DAOA: variants seen among roughly 807,000 people sequenced by gnomAD.
DAOA encodes the protein D-amino acid oxidase regulator.
Under a neutral mutation model 16.4 loss-of-function variants are expected in DAOA, and 15 were observed. That is an observed-to-expected ratio of 0.91 (90% CI 0.61 to 1.41). DAOA has a LOEUF of 1.41. Ranked by LOEUF, DAOA falls within the 40% of genes most tolerant of loss-of-function variation. The pLI is 0.00. For missense variants in DAOA, 230 were observed against 176.8 expected (o/e 1.30, Z -1.71); for synonymous variants, 75 against 59.1 (o/e 1.27, Z -1.23).
chr13:105,485,310 G>T (rs1301638897), intron 4 of DAOA, among the ~76,000 whole-genome samples: 1 of 151,980 alleles, frequency 6.6e-6, no homozygotes, highest in Non-Finnish European at 1.5e-5. Context: ...TCAAAAAAAT[G>T]AACCCATGCT....
chr13:105,477,592 T>C (rs992364635), intron 4 of DAOA, among the ~76,000 whole-genome samples: 1 of 152,068 alleles, frequency 6.6e-6, no homozygotes, highest in African/African-American at 2.4e-5. Context: ...GATATGTTGG[T>C]GCATGCCTGT....
chr13:105,481,204 G>A (rs1229447814), intron 4 of DAOA, among the ~76,000 whole-genome samples: 2 of 152,034 alleles, frequency 1.3e-5, no homozygotes, highest in Non-Finnish European at 2.9e-5. Flanking sequence ...ATAGTCCTGG[G>A]CACAATTTAT....
intron 3 of DAOA, 76 bp downstream of exon 3, chr13:105,467,217 A>G: frequency 1.4e-6 from 2 of 1,402,274 alleles, no homozygotes; most frequent in Non-Finnish European, 1.9e-6. Context: ...GCTACATAAT[A>G]CTTTTGACAT....
At position 105,473,989 on chromosome 13, in the gene DAOA, A is replaced by G. The variant is rs1445293441; in HGVS notation, c.281+1304A>G. Among the ~76,000 whole-genome samples, 5 of 152,144 alleles carry G rather than the reference A, an allele frequency of 3.3e-5. No homozygotes were observed. The South Asian group carries it at 8.3e-4, about 25-fold the overall frequency. ...TGTAGGTATGATTGTGTGAAGTTTCATGCTAGAAGCTTACCTGGCCAGAGA... is the reference window on the plus strand; with the variant it reads ...TGTAGGTATGATTGTGTGAAGTTTCGTGCTAGAAGCTTACCTGGCCAGAGA... On this transcript the variant is annotated intron_variant, in intron 4 of 5. Coordinates refer to ENST00000375936, the MANE Select transcript of DAOA (RefSeq NM_172370.5).
At chr13:105,475,481 G>A (rs1320220573) in intron 4 of DAOA, among the ~76,000 whole-genome samples, 1 of 151,922 alleles carries the variant, frequency 6.6e-6, no homozygotes, top group Non-Finnish European at 1.5e-5. Flanking sequence ...TGCTAAAATG[G>A]TTCTCTTGTC....
chr13:105,477,983 T>C (rs1877454926), intron 4 of DAOA, among the ~76,000 whole-genome samples: 1 of 152,204 alleles, frequency 6.6e-6, no homozygotes, highest in Non-Finnish European at 1.5e-5. Flanking sequence ...GAATCTATCA[T>C]TTAAAATATT....
intron 4 of DAOA, among the ~76,000 whole-genome samples, chr13:105,478,693 T>C (rs988651285): frequency 6.6e-6 from 1 of 152,206 alleles, no homozygotes; most frequent in Non-Finnish European, 1.5e-5. Flanking sequence ...GCATCTTGAC[T>C]CCAACTGTAT....
intron 3 of DAOA, among the ~76,000 whole-genome samples, chr13:105,468,775 C>T (rs79667804): frequency 0.037 from 5,576 of 152,262 alleles, 129 homozygotes; most frequent in East Asian, 0.065. Flanking sequence ...TAATGATGGC[C>T]ATGCCTTGGA....
intron 4 of DAOA, among the ~76,000 whole-genome samples, chr13:105,473,537 A>G (rs1877137393): frequency 6.6e-6 from 1 of 152,138 alleles, no homozygotes; most frequent in African/African-American, 2.4e-5. Flanking sequence ...TTCATGTTTT[A>G]TCTGAGGCTA....
intron 4 of DAOA, among the ~76,000 whole-genome samples, chr13:105,481,892 G>A (rs984486809): frequency 6.6e-6 from 1 of 152,122 alleles, no homozygotes; most frequent in African/African-American, 2.4e-5. Flanking sequence ...GTATTAGTCT[G>A]TTCTCACACT....
intron 4 of DAOA, chr13:105,489,646 T>C (rs701567): frequency 0.44 from 354,296 of 799,876 alleles, 81,367 homozygotes; most frequent in African/African-American, 0.69. Context: ...AGGCAATTCC[T>C]ACAATTCTTT....
intron 4 of DAOA, among the ~76,000 whole-genome samples, chr13:105,475,769 A>G (rs1294650969): frequency 1.3e-5 from 2 of 152,224 alleles, no homozygotes; most frequent in African/African-American, 4.8e-5. Flanking sequence ...TTTGAAATCC[A>G]ATCATTTTTA....
At chr13:105,477,510 T>G (rs1877418919) in intron 4 of DAOA, among the ~76,000 whole-genome samples, 2 of 152,312 alleles carry the variant, frequency 1.3e-5, no homozygotes, top group African/African-American at 4.8e-5. Context: ...GGGGAACTGC[T>G]TGAGCCCAGG....
At chr13:105,471,106 G>A (rs1876921833) in intron 3 of DAOA, among the ~76,000 whole-genome samples, 2 of 151,780 alleles carry the variant, frequency 1.3e-5, no homozygotes, top group South Asian at 4.2e-4. Context: ...TGTATTCTTA[G>A]TAGAGACAGG....
chr13:105,490,595 C>T (rs1011167132), intron 5 of DAOA: 15 of 152,072 alleles, frequency 9.9e-5, no homozygotes, highest in African/African-American at 3.1e-4. Context: ...GGACCCTTCC[C>T]TACTTTTATA....
intron 4 of DAOA, among the ~76,000 whole-genome samples, chr13:105,487,597 A>G (rs975640085): frequency 1.3e-5 from 2 of 152,142 alleles, no homozygotes; most frequent in African/African-American, 2.4e-5. Context: ...AAAAGAAAAA[A>G]AAAAAACGGT....
intron 2 of DAOA, 68 bp downstream of exon 2, chr13:105,466,400 G>T: frequency 6.2e-7 from 1 of 1,610,006 alleles, no homozygotes; most frequent in Non-Finnish European, 8.5e-7. Context: ...TGGCAGCACA[G>T]AGCTCCCAGG....
At position 105,475,384 on chromosome 13, in the gene DAOA, G is replaced by A. The variant is rs1877259130; in HGVS notation, c.281+2699G>A. Among the ~76,000 whole-genome samples, 3 of 152,168 alleles carry A rather than the reference G, an allele frequency of 2.0e-5. No individual in the cohort carries two copies. The East Asian group carries it at 5.8e-4, about 29-fold the overall frequency. On this transcript the variant is annotated intron_variant, in intron 4 of 5. Coordinates refer to ENST00000375936, the MANE Select transcript of DAOA (RefSeq NM_172370.5). The stretch of plus-strand genomic sequence containing the variant: ...AAAGATAGCTCAAGTGGATTTATCA[G>A]GTGGCTAAATGGGAGTACTAAAGAG...
intron 4 of DAOA, among the ~76,000 whole-genome samples, chr13:105,480,678 A>G (rs547931751): frequency 1.3e-4 from 20 of 152,184 alleles, no homozygotes; most frequent in African/African-American, 4.8e-4. Flanking sequence ...CTGGAAGCCA[A>G]TGGTGTAACT....
Sources: gnomAD v4.1 joint callset for allele counts (sites outside exome capture counted in the v4.1 genomes callset) on GRCh38, gnomAD v4.1.1 for gene constraint, MANE v1.5 for transcripts, NCBI Gene and HGNC (gene_info 2026-07-23, HGNC 2026-07-21) for gene names.